Variants in RLF observed in about 807,000 individuals in gnomAD.
RLF encodes zinc finger protein Rlf.
A neutral mutation model predicts 162.9 loss-of-function variants in RLF; 7 were observed. The observed-to-expected ratio is 0.04, with a 90% CI of 0.02 to 0.08. RLF has a LOEUF of 0.08. RLF is among the 10% of genes least tolerant of loss of function. The pLI, the probability that RLF is intolerant of heterozygous loss-of-function variation, is 1.00. For missense variants in RLF, 1,664 were observed against 2,244.7 expected (o/e 0.74, Z 5.23); for synonymous variants, 782 against 791.5 (o/e 0.99, Z 0.20).
At chr1:40,193,091 G>C (rs1317126008) in intron 3 of RLF, among the ~76,000 whole-genome samples, 1 of 136,388 alleles carries the variant, frequency 7.3e-6, no homozygotes, top group African/African-American at 2.7e-5. Flanking sequence ...TGGTGCAAGA[G>C]TGAACATCTT....
Position 40,240,410 on chromosome 1 carries a change from C to CA in RLF, c.5714dup (p.Thr1906AspfsTer3). On this transcript the variant is annotated frameshift_variant, in exon 8 of 8. Coordinates refer to ENST00000372771, the MANE Select transcript of RLF (RefSeq NM_012421.4). LOFTEE classifies it high-confidence loss of function. The stretch of plus-strand genomic sequence containing the variant: ...ACACCAATTTTAGACTTATTTCCAA[C>CA]AAAAAAGACAGATGAGCTTTGTGTA... The CA allele has an allele frequency of 1.2e-6, 2 of 1,612,016 alleles. No homozygotes were observed. Among genetic ancestry groups the CA allele is most frequent in the South Asian group, 1.1e-5 (1 of 90,680 alleles).
chr1:40,230,114 C>CAA (rs755590266), intron 6 of RLF, among the ~76,000 whole-genome samples: 302 of 107,536 alleles, frequency 2.8e-3, no homozygotes, highest in Non-Finnish European at 4.2e-3. Flanking sequence ...AGCTCCGTCT[C>CAA]AAAAAAAAAA....
At chr1:40,185,877 G>A (rs1450379137) in intron 1 of RLF, among the ~76,000 whole-genome samples, 1 of 143,840 alleles carries the variant, frequency 7.0e-6, no homozygotes, top group Non-Finnish European at 1.5e-5. Flanking sequence ...CACAAAGGCT[G>A]GATGCGAGGT....
intron 6 of RLF, among the ~76,000 whole-genome samples, chr1:40,228,800 T>G (rs1288461805): frequency 6.6e-6 from 1 of 152,076 alleles, no homozygotes; most frequent in Non-Finnish European, 1.5e-5. Context: ...TTAGTGAATT[T>G]TATTTTATTT....
chr1:40,189,772 A>C (rs1349708557), intron 2 of RLF, among the ~76,000 whole-genome samples: 1 of 152,070 alleles, frequency 6.6e-6, no homozygotes, highest in Non-Finnish European at 1.5e-5. Context: ...ACTGCACTCC[A>C]GCCTGGGTGG....
chr1:40,178,687 G>GTTT (rs59172683), intron 1 of RLF, among the ~76,000 whole-genome samples: 1 of 75,136 alleles, frequency 1.3e-5, no homozygotes, highest in Non-Finnish European at 2.9e-5. Context: ...TTTGTTTTGT[G>GTTT]TTTTTTTTTT....
Position 40,239,932 on chromosome 1 carries a change from C to T in RLF, c.5230C>T (p.His1744Tyr). 1 of 1,613,606 alleles carries T rather than the reference C, an allele frequency of 6.2e-7. No individual in the cohort carries two copies. Among genetic ancestry groups the T allele is most frequent in the Non-Finnish European group, 8.5e-7 (1 of 1,180,022 alleles). The change falls in exon 8 of 8, where the codon CAT becomes TAT. Residue 1744 changes from histidine to tyrosine, a missense_variant. By Grantham distance (83) the His-to-Tyr change is moderately conservative. Transcript: ENST00000372771. ...GQENTVKNPT[H>Y]VPKENFRKHS... ...AGAAAACACTGTAAAAAATCCAACC[C>T]ATGTCCCAAAAGAGAATTTTAGGAA...
At chr1:40,219,297 G>A (rs751831265) in intron 5 of RLF, among the ~76,000 whole-genome samples, 6 of 152,022 alleles carry the variant, frequency 3.9e-5, no homozygotes, top group Non-Finnish European at 8.8e-5. Context: ...TTCTCTTCAA[G>A]TCAAAGGATA....
At chr1:40,205,295 C>T (rs1009382090) in intron 5 of RLF, among the ~76,000 whole-genome samples, 2 of 152,198 alleles carry the variant, frequency 1.3e-5, no homozygotes, top group South Asian at 4.1e-4. Flanking sequence ...GAGATCACGC[C>T]ACTGCACTCC....
At chr1:40,201,625 CA>C (rs35897680) in intron 4 of RLF, among the ~76,000 whole-genome samples, 61,356 of 91,188 alleles carry the variant, frequency 0.67, 19,949 homozygotes, top group South Asian at 0.87. Context: ...GACTTCATCT[CA>C]AAAAAAAAAA....
chr1:40,187,041 GT>G (rs964361830), intron 1 of RLF, among the ~76,000 whole-genome samples: 57 of 145,950 alleles, frequency 3.9e-4, no homozygotes, highest in East Asian at 7.9e-4. Flanking sequence ...TTGTTTTTTG[GT>G]TTTTTTTTTT....
chr1:40,219,949 G>GA (rs1441542927), intron 5 of RLF, among the ~76,000 whole-genome samples: 2 of 152,160 alleles, frequency 1.3e-5, no homozygotes, highest in African/African-American at 4.8e-5. Context: ...AATGATAATA[G>GA]AAAAACAGAA....
intron 1 of RLF, among the ~76,000 whole-genome samples, chr1:40,184,187 G>C (rs1642442255): frequency 6.6e-6 from 1 of 152,154 alleles, no homozygotes; most frequent in Non-Finnish European, 1.5e-5. Context: ...TCATATTCCT[G>C]CTACCTCAGT....
At chr1:40,169,028 C>T (rs1291602879) in intron 1 of RLF, among the ~76,000 whole-genome samples, 1 of 152,088 alleles carries the variant, frequency 6.6e-6, no homozygotes, top group African/African-American at 2.4e-5. Context: ...CATAAATAAA[C>T]ATTTATATAA....
rs373899238 is a variant in RLF at position 40,238,965 on chromosome 1, C to A, written c.4263C>A (p.Phe1421Leu). ...AGTGCCCTGCTGTTTTTTATACATTCAACAAGTTGAAGCACCACTTGATGG... is the reference window on the plus strand; with the variant it reads ...AGTGCCCTGCTGTTTTTTATACATTAAACAAGTTGAAGCACCACTTGATGG... ...QPQCPAVFYT[F>L]NKLKHHLMEQ... Residue 1421 changes from phenylalanine to leucine, a missense_variant, in exon 8 of 8, where the codon TTC becomes TTA. Transcript: ENST00000372771. The surrounding 1 kb of genome is among the most constrained non-coding windows in gnomAD (Gnocchi z 5.2). The A allele has an allele frequency of 6.2e-7, 1 of 1,614,116 alleles. No homozygotes were observed. Among genetic ancestry groups the A allele is most frequent in the Non-Finnish European group, 8.5e-7 (1 of 1,180,026 alleles).
At chr1:40,214,756 A>G (rs551214916) in intron 5 of RLF, among the ~76,000 whole-genome samples, 7 of 151,672 alleles carry the variant, frequency 4.6e-5, no homozygotes, top group South Asian at 4.2e-4. Context: ...CCCTGTGTCT[A>G]CAAAAAAATT....
At position 40,236,055 on chromosome 1, in the gene RLF, T is replaced by A. The variant is rs1643214083; in HGVS notation, c.1353T>A (p.Leu451=). The change falls in exon 8 of 8, where the codon CTT becomes CTA. Residue 451 remains leucine (L), a synonymous_variant. Coordinates refer to ENST00000372771, the MANE Select transcript of RLF (RefSeq NM_012421.4). The surrounding 1 kb of genome is among the most constrained non-coding windows in gnomAD (Gnocchi z 7.7). ...AAAATGCACCGGTTCCAAATTCTCT[T>A]CGATGTGAGCTCTTACTAGCTTTAA... The part of the protein sequence containing the change: ...DEENAPVPNS[L]RCELLLALKA... The A allele has an allele frequency of 6.2e-7, 1 of 1,613,770 alleles. No homozygotes were observed. Among genetic ancestry groups the A allele is most frequent in the African/African-American group, 1.3e-5 (1 of 74,884 alleles).
chr1:40,214,623 TA>T (rs1229211613), intron 5 of RLF, among the ~76,000 whole-genome samples: 1 of 152,052 alleles, frequency 6.6e-6, no homozygotes, highest in East Asian at 1.9e-4. Flanking sequence ...GAAACATGCT[TA>T]AAGAATTAAA....
intron 5 of RLF, among the ~76,000 whole-genome samples, chr1:40,213,393 T>G (rs1287294787): frequency 6.6e-6 from 1 of 152,222 alleles, no homozygotes; most frequent in African/African-American, 2.4e-5. Flanking sequence ...AGATACACAC[T>G]GTGATAGGGT....
Sources: allele counts gnomAD v4.1 joint callset (sites outside exome capture counted in the v4.1 genomes callset), GRCh38; gene constraint gnomAD v4.1.1; non-coding constraint Gnocchi (gnomAD v3.1); transcripts MANE v1.5; gene names NCBI Gene and HGNC (gene_info 2026-07-23, HGNC 2026-07-21).